The following POFUT4 variants were observed in gnomAD, a reference collection of about 807,000 sequenced individuals.
POFUT4 encodes GDP-fucose protein O-fucosyltransferase 4.
At chr10:73,773,207 A>C in the POFUT4 span, 14 of 1,611,416 alleles carry the variant, frequency 8.7e-6, no homozygotes, top group Non-Finnish European at 1.1e-5. Flanking sequence ...CCTACGGGAA[A>C]TGCCTGCAGA....
the POFUT4 span, chr10:73,772,546 G>C: frequency 4.4e-6 from 7 of 1,573,196 alleles, no homozygotes; most frequent in Non-Finnish European, 6.0e-6. Flanking sequence ...GGAGGGAGGA[G>C]GCGGGGGACT....
chr10:73,775,896 A>G, the POFUT4 span: 229 of 563,546 alleles, frequency 4.1e-4, no homozygotes, highest in Non-Finnish European at 6.5e-4. Flanking sequence ...GAGGGATACA[A>G]TTCTTGGTTC....
the POFUT4 span, chr10:73,772,659 G>T: frequency 1.9e-6 from 3 of 1,556,076 alleles, no homozygotes; most frequent in Non-Finnish European, 2.6e-6. Flanking sequence ...TCCCGGAACC[G>T]CCGAGCGCTG....
chr10:73,774,880 A>C, the POFUT4 span: 1 of 156,550 alleles, frequency 6.4e-6, no homozygotes. Context: ...TAAGATTATT[A>C]AGCTGAAGTA....
the POFUT4 span, among the ~76,000 whole-genome samples, chr10:73,777,530 T>C: frequency 6.6e-6 from 1 of 151,690 alleles, no homozygotes; most frequent in African/African-American, 2.4e-5. Context: ...CTTCATTCAC[T>C]GTATTACTAA....
chr10:73,772,894 C>A, the POFUT4 span: 1 of 1,611,842 alleles, frequency 6.2e-7, no homozygotes, highest in Non-Finnish European at 8.5e-7. Context: ...TGCCCGGGAC[C>A]GCCTATCTGC....
At chr10:73,772,460 G>T in the POFUT4 span, 2 of 1,556,428 alleles carry the variant, frequency 1.3e-6, no homozygotes. Flanking sequence ...GGAACCGTGG[G>T]ATGGCGCGGT....
At chr10:73,774,796 G>A in the POFUT4 span, 1 of 154,718 alleles carries the variant, frequency 6.5e-6, no homozygotes, top group Admixed American at 6.4e-5. Context: ...TGGGAAACAA[G>A]GCCAGCGTGT....
chr10:73,779,978 AG>A, the POFUT4 span: 1 of 152,242 alleles, frequency 6.6e-6, no homozygotes, highest in Non-Finnish European at 1.5e-5. Flanking sequence ...CATTTCCACA[AG>A]GGAAAGTAGA....
the POFUT4 span, chr10:73,773,176 T>C: frequency 1.3e-6 from 2 of 1,597,466 alleles, no homozygotes; most frequent in Non-Finnish European, 1.7e-6. Flanking sequence ...ACAGCCTTAC[T>C]GTACCCGGTC....
At chr10:73,773,607 A>G in the POFUT4 span, 1 of 1,614,218 alleles carries the variant, frequency 6.2e-7, no homozygotes, top group Non-Finnish European at 8.5e-7. Context: ...GTGGGGAGTG[A>G]ATGATCCTTT....
the POFUT4 span, chr10:73,773,374 AC>A: frequency 6.2e-7 from 1 of 1,614,068 alleles, no homozygotes; most frequent in Non-Finnish European, 8.5e-7. Flanking sequence ...CGTCCCATGC[AC>A]CTGGGCGCTG....
chr10:73,774,742 G>A, the POFUT4 span: 3 of 153,648 alleles, frequency 2.0e-5, no homozygotes, highest in Non-Finnish European at 2.9e-5. Context: ...CATCAGAAGG[G>A]AAGCGAATAG....
chr10:73,773,404 C>G, the POFUT4 span: 1 of 1,614,212 alleles, frequency 6.2e-7, no homozygotes, highest in Non-Finnish European at 8.5e-7. Flanking sequence ...TACCGCGGTT[C>G]TCCCTCTGTG....
the POFUT4 span, among the ~76,000 whole-genome samples, chr10:73,776,442 AACACTTTGGG>A: frequency 1.3e-5 from 2 of 150,242 alleles, no homozygotes; most frequent in East Asian, 3.9e-4. Flanking sequence ...CTGTAATCCC[AACACTTTGGG>A]AGGCCGAGGA....
chr10:73,775,184 TAAAAG>T, the POFUT4 span: 1 of 536,558 alleles, frequency 1.9e-6, no homozygotes. Context: ...AGGTGAAACT[TAAAAG>T]ATAATCATCT....
the POFUT4 span, chr10:73,773,340 GACT>G: frequency 1.9e-6 from 3 of 1,613,988 alleles, no homozygotes; most frequent in African/African-American, 2.7e-5. Context: ...CATCTGTAAC[GACT>G]ACATGACAGA....
At chr10:73,773,418 G>T in the POFUT4 span, 21 of 1,614,140 alleles carry the variant, frequency 1.3e-5, no homozygotes, top group South Asian at 3.3e-5. Context: ...CTCTGTGAGG[G>T]ACTGGATGCC....
the POFUT4 span, chr10:73,773,432 C>T: frequency 6.2e-7 from 1 of 1,614,234 alleles, no homozygotes; most frequent in Non-Finnish European, 8.5e-7. Flanking sequence ...GGATGCCGAA[C>T]AATCACTCCG....
Sources: gnomAD v4.1 joint callset for allele counts (sites outside exome capture counted in the v4.1 genomes callset) on GRCh38, gnomAD v4.1.1 for gene constraint, MANE v1.5 for transcripts, NCBI Gene and HGNC (gene_info 2026-07-23, HGNC 2026-07-21) for gene names.